The following DNA2 variants were observed in gnomAD, a reference collection of about 807,000 sequenced individuals.
DNA2 encodes the protein DNA replication helicase/nuclease 2.
Under a neutral mutation model 119.1 loss-of-function variants are expected in DNA2, and 101 were observed. The ratio of observed to expected loss-of-function variants is 0.85; its 90% CI spans 0.72 to 1.00. The LOEUF is 1.00. Among genes scored for constraint, DNA2 ranks in the 50% least tolerant of loss-of-function variants. The pLI is 0.00. For missense variants in DNA2, 1,121 were observed against 1,255.5 expected (o/e 0.89, Z 1.62); for synonymous variants, 366 against 424.4 (o/e 0.86, Z 1.69).
chr10:68,432,090 A>C (rs2051829625), intron 12 of DNA2, 116 bp downstream of exon 12: 1 of 1,120,778 alleles, frequency 8.9e-7, no homozygotes, highest in Non-Finnish European at 1.3e-6. Context: ...AACCATTTCC[A>C]AAGAGTCTTG....
At chr10:68,431,615 CAT>C (rs1325005643) in intron 13 of DNA2, among the ~76,000 whole-genome samples, 1 of 152,126 alleles carries the variant, frequency 6.6e-6, no homozygotes, top group Non-Finnish European at 1.5e-5. Context: ...GAAAGGAAAA[CAT>C]ATAGTGATAA....
At position 68,443,580 on chromosome 10, in the gene DNA2, A is replaced by G. The variant is rs145068466; in HGVS notation, c.1221-469T>C. Reference sequence around the variant, plus strand: ...CACTGACGATAAACATAAGATTTCAAAGAAATATGCCCAGACTTCCTACGG... The same window carrying G: ...CACTGACGATAAACATAAGATTTCAGAGAAATATGCCCAGACTTCCTACGG... On this transcript the variant is annotated intron_variant, in intron 8 of 20. Transcript: ENST00000358410. Among the ~76,000 whole-genome samples, 361 of 152,360 alleles carry G rather than the reference A, an allele frequency of 2.4e-3. 3 individuals are homozygous for G. The highest frequency in any genetic ancestry group is 8.6e-3 in the African/African-American group (356 of 41,592).
At chr10:68,416,354 T>C (rs994891623) in intron 20 of DNA2, among the ~76,000 whole-genome samples, 7 of 152,078 alleles carry the variant, frequency 4.6e-5, no homozygotes, top group African/African-American at 1.7e-4. Context: ...TGGGCCCAGC[T>C]ACTGGGGAGG....
chr10:68,470,765 T>C (rs1432021313), intron 1 of DNA2, among the ~76,000 whole-genome samples: 4 of 152,116 alleles, frequency 2.6e-5, no homozygotes, highest in Admixed American at 2.6e-4. Flanking sequence ...CGGAAAAGGG[T>C]ATTGTCCGTG....
At position 68,414,173 on chromosome 10, in the gene DNA2, C is replaced by G. The variant is rs1000760895; in HGVS notation, c.*866G>C. The stretch of plus-strand genomic sequence containing the variant: ...ATATTTAACACTCATTAAAAAAAAC[C>G]CTCAAGAGAAATGGAAGATTTCCAA... On this transcript the variant is annotated 3_prime_UTR_variant, in exon 21 of 21. Coordinates refer to ENST00000358410, the MANE Select transcript of DNA2 (RefSeq NM_001080449.3). The G allele has an allele frequency of 6.7e-6, 1 of 150,094 alleles. No individual in the cohort carries two copies. Among genetic ancestry groups the G allele is most frequent in the Non-Finnish European group, 1.5e-5 (1 of 67,416 alleles). The allele number at this position is 150,094 out of a possible 1,614,324, so 9.3% of individuals were successfully genotyped here. A position where few individuals can be genotyped will look rare whatever the true frequency, so the allele number is the denominator to read the frequency against.
chr10:68,457,047 T>C (rs1459947164), intron 5 of DNA2, among the ~76,000 whole-genome samples: 2 of 149,702 alleles, frequency 1.3e-5, no homozygotes, highest in Non-Finnish European at 3.0e-5. Context: ...GGCAGGAGAA[T>C]GGCGTGAACC....
At chr10:68,442,281 C>T (rs888564218) in intron 9 of DNA2, among the ~76,000 whole-genome samples, 7 of 151,168 alleles carry the variant, frequency 4.6e-5, no homozygotes, top group Non-Finnish European at 8.8e-5. Flanking sequence ...TGCAGTGGTG[C>T]GATGTTGGCT....
chr10:68,465,892 CACCATAGCCA>C lies in DNA2; in HGVS notation c.442-90_442-81del, dbSNP rs2052321146. On this transcript the variant is annotated intron_variant, in intron 3 of 20. Coordinates refer to ENST00000358410, the MANE Select transcript of DNA2 (RefSeq NM_001080449.3). ...ATATTTATTACCTAATCTATTAAAC[CACCATAGCCA>C]AAATGCACTGGTAAGACAAATGCCA... 3.2e-6 allele frequency: 4 copies of C among 1,239,984 alleles called. No individual in the cohort carries two copies. The East Asian group carries it at 1.2e-4, about 36-fold the overall frequency. 76.8% of individuals were successfully genotyped at this position (1,239,984 alleles called of 1,614,324 possible).
At chr10:68,459,959 A>G (rs1388435692) in intron 4 of DNA2, among the ~76,000 whole-genome samples, 2 of 151,568 alleles carry the variant, frequency 1.3e-5, no homozygotes, top group African/African-American at 4.8e-5. Flanking sequence ...TCCAGGAGGC[A>G]GAGGTTGCAG....
intron 9 of DNA2, among the ~76,000 whole-genome samples, chr10:68,441,732 G>A (rs2051971210): frequency 6.6e-6 from 1 of 152,072 alleles, no homozygotes; most frequent in Non-Finnish European, 1.5e-5. Context: ...CTGACAACAT[G>A]CCACTGCACT....
chr10:68,446,306 T>G lies in DNA2; in HGVS notation c.1047A>C (p.Leu349=). Reference sequence around the variant, plus strand: ...AAAAAACGGCTCAACCTCTTTTATCTAGATGGTTGGCAGGCACAGGGTACA... The same window carrying G: ...AAAAAACGGCTCAACCTCTTTTATCGAGATGGTTGGCAGGCACAGGGTACA... ...GQMYPVPANH[L]DKRELLKLRN... Residue 349 remains leucine, a synonymous_variant, in exon 7 of 21, where the codon CTA becomes CTC. Transcript: ENST00000358410. 1.3e-6 allele frequency: 2 copies of G among 1,575,824 alleles called. No individual in the cohort carries two copies. Among genetic ancestry groups the G allele is most frequent in the Non-Finnish European group, 1.7e-6 (2 of 1,160,422 alleles).
intron 10 of DNA2, among the ~76,000 whole-genome samples, chr10:68,436,208 G>A (rs894592506): frequency 2.6e-5 from 4 of 152,152 alleles, no homozygotes; most frequent in South Asian, 4.1e-4. Context: ...ACAAAATGTG[G>A]TGTATCCATA....
intron 5 of DNA2, among the ~76,000 whole-genome samples, chr10:68,454,117 C>A (rs1469126860): frequency 6.6e-6 from 1 of 152,010 alleles, no homozygotes; most frequent in African/African-American, 2.4e-5. Flanking sequence ...TGTTAACTGC[C>A]AGGGTCCCAT....
intron 9 of DNA2, among the ~76,000 whole-genome samples, chr10:68,438,536 A>T (rs2051923153): frequency 6.6e-6 from 1 of 151,818 alleles, no homozygotes; most frequent in South Asian, 2.1e-4. Flanking sequence ...AAGAAAAAAA[A>T]ACCATTTAAA....
rs747286471 is a variant in DNA2, at chr10:68,459,091, A to C, written c.719+13T>G. The C allele has an allele frequency of 6.3e-7, 1 of 1,577,770 alleles. No homozygotes were observed. Among genetic ancestry groups the C allele is most frequent in the Non-Finnish European group, 8.6e-7 (1 of 1,163,426 alleles). ...TATGAAGACTATATATATAAACAAA[A>C]TGTGTTTCTTACAGAGAGAGCTGCA... On this transcript the variant is annotated intron_variant, in intron 5 of 20. Coordinates refer to ENST00000358410, the MANE Select transcript of DNA2 (RefSeq NM_001080449.3).
intron 2 of DNA2, 44 bp from the exon 3 acceptor site, chr10:68,468,350 T>G (rs2052350540): frequency 7.6e-7 from 1 of 1,322,538 alleles, no homozygotes; most frequent in African/African-American, 1.5e-5. Context: ...TAGCTTAGGT[T>G]CCTACATGTA....
In DNA2 at chr10:68,432,418, T is replaced by C. The variant is rs1299653550; in HGVS notation, c.1739A>G (p.Lys580Arg). 6.3e-7 allele frequency: 1 copy of C among 1,597,268 alleles called. No individual in the cohort carries two copies. The highest frequency in any genetic ancestry group is 8.5e-7 in the Non-Finnish European group (1 of 1,170,226). The change falls in exon 11 of 21, where the codon AAA becomes AGA. Residue 580 changes from lysine to arginine, a missense_variant. Transcript: ENST00000358410. ...CCTGACAAACGTGTTTTCCATCAAT[T>C]TGGAAAGATTTCCTAATGGGGTATC... Reference protein sequence around the residue: ...DIDTPLGNLSKLMENTFVSKK... With the variant: ...DIDTPLGNLSRLMENTFVSKK...
At chr10:68,455,670 A>C (rs2133424471) in intron 5 of DNA2, among the ~76,000 whole-genome samples, 1 of 151,982 alleles carries the variant, frequency 6.6e-6, no homozygotes, top group South Asian at 2.1e-4. Flanking sequence ...AAAATACAAA[A>C]ATTAGCCAGG....
chr10:68,460,727 T>A (rs1235620451), intron 4 of DNA2, among the ~76,000 whole-genome samples: 5 of 151,996 alleles, frequency 3.3e-5, no homozygotes, highest in African/African-American at 1.2e-4. Flanking sequence ...AATTTTTATG[T>A]GCATTTAACC....
Sources: allele counts gnomAD v4.1 joint callset (sites outside exome capture counted in the v4.1 genomes callset), GRCh38; gene constraint gnomAD v4.1.1; transcripts MANE v1.5; gene names NCBI Gene and HGNC (gene_info 2026-07-23, HGNC 2026-07-21).